Variants in LTA4H observed in about 807,000 individuals in gnomAD.
The protein encoded by LTA4H is leukotriene A4 hydrolase.
A neutral mutation model predicts 89.8 loss-of-function variants in LTA4H; 59 were observed. The observed-to-expected ratio is 0.66, with a 90% confidence interval of 0.53 to 0.82. LTA4H has a LOEUF of 0.82. Among genes scored for constraint, LTA4H ranks in the 40% least tolerant of loss-of-function variants. The pLI, the probability that LTA4H is intolerant of heterozygous loss-of-function variation, is 0.00. For missense variants in LTA4H, 617 were observed against 727.0 expected, an observed-to-expected ratio of 0.85 and a Z score of 1.74; for synonymous variants, 227 against 253.1, an observed-to-expected ratio of 0.90 and a Z score of 0.98.
At position 96,024,468 on chromosome 12, in the gene LTA4H, G is replaced by A. The variant is rs373939096; in HGVS notation, c.480+11C>T. The A allele has an allele frequency of 5.4e-5, 83 of 1,537,998 alleles. No individual in the cohort carries two copies. The highest frequency in any genetic ancestry group is 2.0e-4 in the East Asian group (9 of 44,264). On this transcript the variant is annotated intron_variant, in intron 4 of 18. Transcript: ENST00000228740. ...CATCATTTAATTGAGTTAATAATTC[G>A]TAATATTTACCTCTGCAGTATAGGT... is the stretch of plus-strand genomic sequence containing the variant.
Position 96,015,170 on chromosome 12 carries a change from A to G in LTA4H, c.1060-171T>C, listed in dbSNP as rs187642436. On this transcript the variant is annotated intron_variant, in intron 11 of 18. Coordinates refer to ENST00000228740, the MANE Select transcript of LTA4H (RefSeq NM_000895.3). ...CATAAACTTCTGGAAGTCTATTAAT[A>G]GAATGCTTACTTAAGTAATATTCTC... The G allele has an allele frequency of 2.7e-4, 148 of 542,322 alleles. No homozygotes were observed. In the East Asian group the frequency reaches 4.2e-3, roughly 15 times the overall value. The allele number at this position is 542,322 out of a possible 1,614,324, so 33.6% of individuals were successfully genotyped here. A position where few individuals can be genotyped will look rare whatever the true frequency, so the allele number is the denominator to read the frequency against.
intron 8 of LTA4H, among the ~76,000 whole-genome samples, chr12:96,017,940 G>A (rs1950401354): frequency 6.6e-6 from 1 of 152,048 alleles, no homozygotes; most frequent in Non-Finnish European, 1.5e-5. Flanking sequence ...ACTTTAGAGT[G>A]TCCTATGTGT....
chr12:96,000,994 C>T lies in LTA4H; in HGVS notation c.1831G>A (p.Asp611Asn), dbSNP rs747672626. 6.2e-7 allele frequency: 1 copy of T among 1,607,676 alleles called. No individual in the cohort carries two copies. The highest frequency in any genetic ancestry group is 8.5e-7 in the Non-Finnish European group (1 of 1,174,166). The change falls in exon 19 of 19, where the codon GAT (aspartate) becomes AAT (asparagine). Residue 611 changes from aspartate to asparagine, a missense_variant. This residue lies in a region of LTA4H where 290 missense variants were observed against 339.1 expected (regional missense o/e 0.86). Transcript: ENST00000228740. ...AATCATCAATACGCAGGTCTTTAATCCACTTTTAAGTCTTTCCCCACCAGC... is the reference window on the plus strand; with the variant it reads ...AATCATCAATACGCAGGTCTTTAATTCACTTTTAAGTCTTTCCCCACCAGC... ...AMLVGKDLKV[D>N]
chr12:96,006,383 G>C lies in LTA4H; in HGVS notation c.1461C>G (p.Phe487Leu), dbSNP rs760110329. 1 of 1,609,852 alleles carries C rather than the reference G, an allele frequency of 6.2e-7. No individual in the cohort carries two copies. The highest frequency in any genetic ancestry group is 1.1e-5 in the South Asian group (1 of 90,558). ...ITAKEDDLNS[F>L]NATDLKDLSS... is the part of the protein sequence containing the mutation. Reference sequence around the variant, plus strand: ...AGAGATCCTTCAGGTCTGTGGCATTGAATGAATTTAAATCATCTTCTTTGG... The same window carrying C: ...AGAGATCCTTCAGGTCTGTGGCATTCAATGAATTTAAATCATCTTCTTTGG... Residue 487 changes from phenylalanine to leucine, a missense_variant, in exon 16 of 19, where the codon TTC becomes TTG. By Grantham distance (22) the Phe-to-Leu change is conservative. Coordinates refer to ENST00000228740, the MANE Select transcript of LTA4H (RefSeq NM_000895.3).
In LTA4H at chr12:96,022,320, A is replaced by C. The variant is rs1950462825; in HGVS notation, c.481-69T>G. On this transcript the variant is annotated intron_variant, in intron 4 of 18. Coordinates refer to ENST00000228740, the MANE Select transcript of LTA4H (RefSeq NM_000895.3). This position sits in a 1 kb window ranked among gnomAD's most constrained non-coding sequence, Gnocchi z 4.0. ...CTATGTGTCTTAAACCATATATGTA[A>C]AATAACCTTTTCTTCCCATTCTTGA... is the stretch of plus-strand genomic sequence containing the variant. 3 of 1,008,912 alleles carry C rather than the reference A, an allele frequency of 3.0e-6. No individual in the cohort carries two copies. In the East Asian group the frequency reaches 7.3e-5, roughly 25 times the overall value. The allele number at this position is 1,008,912 out of a possible 1,614,324, so 62.5% of individuals were successfully genotyped here.
intron 2 of LTA4H, among the ~76,000 whole-genome samples, 181 bp downstream of exon 2, chr12:96,028,874 T>A (rs1256952903): frequency 3.9e-5 from 6 of 152,202 alleles, no homozygotes; most frequent in African/African-American, 1.4e-4. Flanking sequence ...TTTTAGTATC[T>A]TAAGTATATA....
At position 96,018,910 on chromosome 12, in the gene LTA4H, A is replaced by T; in HGVS notation, c.712-7T>A. ...TTTTAAGCATAGATTCAGTCTGAAA[A>T]ATCAACATATATATGTCTGTATGCC... is the stretch of plus-strand genomic sequence containing the variant. On this transcript the variant is annotated splice_region_variant and splice_polypyrimidine_tract_variant and intron_variant, in intron 7 of 18. Transcript: ENST00000228740. 2 of 1,572,568 alleles carry T rather than the reference A, an allele frequency of 1.3e-6. No individual in the cohort carries two copies. The highest frequency in any genetic ancestry group is 1.7e-6 in the Non-Finnish European group (2 of 1,163,842).
chr12:96,024,563 A>G lies in LTA4H; in HGVS notation c.412-16T>C. 1 of 1,551,386 alleles carries G rather than the reference A, an allele frequency of 6.4e-7. No individual in the cohort carries two copies. ...AGTGGATGGCCTGAAAAAGGGAGAA[A>G]CAAGAAGAAATAGCTATTTATCTTT... is the stretch of plus-strand genomic sequence containing the variant. On this transcript the variant is annotated splice_polypyrimidine_tract_variant and intron_variant, in intron 3 of 18. Transcript: ENST00000228740.
At chr12:96,037,062 C>A (rs980649172), upstream of LTA4H, among the ~76,000 whole-genome samples, 23 of 152,350 alleles carry the variant, frequency 1.5e-4, no homozygotes, top group African/African-American at 5.3e-4. Context: ...GGCCCTACCT[C>A]CAACACTGGA....
intron 14 of LTA4H, chr12:96,010,184 C>T (rs1047244317): frequency 1.3e-5 from 2 of 152,138 alleles, no homozygotes; most frequent in African/African-American, 4.8e-5. Flanking sequence ...TGGTCTGTTT[C>T]TTCGTGTCCT....
chr12:96,039,351 T>C (rs1420219908), upstream of LTA4H, among the ~76,000 whole-genome samples: 2 of 152,178 alleles, frequency 1.3e-5, no homozygotes, highest in Non-Finnish European at 2.9e-5. Flanking sequence ...TATAGAGCCA[T>C]ATGAACAGGA....
At position 96,018,899 on chromosome 12, in the gene LTA4H, TCA is replaced by T; in HGVS notation, c.714_715del (p.Glu239IlefsTer4). On this transcript the variant is annotated frameshift_variant and splice_region_variant, in exon 8 of 19. Transcript: ENST00000228740. LOFTEE classifies it high-confidence loss of function. ...ATCTTCTGCTATTTTAAGCATAGAT[TCA>T]GTCTGAAAAATCAACATATATATGT... is the stretch of plus-strand genomic sequence containing the variant. The T allele has an allele frequency of 2.5e-6, 4 of 1,578,894 alleles. No individual in the cohort carries two copies. The highest frequency in any genetic ancestry group is 3.4e-6 in the Non-Finnish European group (4 of 1,167,214).
chr12:96,041,176 T>C (rs1054115735), intron 1 of LTA4H, among the ~76,000 whole-genome samples: 8 of 152,144 alleles, frequency 5.3e-5, no homozygotes, highest in African/African-American at 1.7e-4. Flanking sequence ...TATTATAATA[T>C]TATATTTGTA....
At position 96,000,865 on chromosome 12, in the gene LTA4H, C is replaced by T; in HGVS notation, c.*124G>A. The T allele has an allele frequency of 1.6e-6, 1 of 638,704 alleles. No individual in the cohort carries two copies. The highest frequency in any genetic ancestry group is 2.7e-5 in the Admixed American group (1 of 37,204). 39.6% of individuals were successfully genotyped at this position (638,704 alleles called of 1,614,324 possible). A position where few individuals can be genotyped will look rare whatever the true frequency, so the allele number is the denominator to read the frequency against. On this transcript the variant is annotated 3_prime_UTR_variant, in exon 19 of 19. Coordinates refer to ENST00000228740, the MANE Select transcript of LTA4H (RefSeq NM_000895.3). Reference sequence around the variant, plus strand: ...TAGCTCAACTTTATTTCAGTAAAATCACCAACAAAACAATAAAAAGCCAAA... The same window carrying T: ...TAGCTCAACTTTATTTCAGTAAAATTACCAACAAAACAATAAAAAGCCAAA...
intron 1 of LTA4H, among the ~76,000 whole-genome samples, chr12:96,043,036 A>C (rs953318464): frequency 1.3e-5 from 2 of 151,984 alleles, no homozygotes; most frequent in African/African-American, 4.8e-5. Flanking sequence ...CCCCCAAAGC[A>C]CTCTGTCCTT....
At chr12:96,003,170 A>G (rs571386203) in intron 17 of LTA4H, 106 bp from the exon 18 acceptor site, 14 of 696,498 alleles carry the variant, frequency 2.0e-5, no homozygotes, top group African/African-American at 1.6e-4. Flanking sequence ...TAACCCCACT[A>G]TAGTTATACT....
chr12:96,013,610 A>G, intron 13 of LTA4H, 140 bp downstream of exon 13: 1 of 604,750 alleles, frequency 1.7e-6, no homozygotes. Flanking sequence ...ATCACATTTA[A>G]AATAGAAAAA....
At chr12:96,035,303 A>T in intron 1 of LTA4H, 58 bp downstream of exon 1, 1 of 1,540,238 alleles carries the variant, frequency 6.5e-7, no homozygotes, top group African/African-American at 1.4e-5. Flanking sequence ...CGCAAGGACT[A>T]GGGTCGAGGG....
intron 14 of LTA4H, chr12:96,012,390 G>T (rs760898551): frequency 6.6e-6 from 1 of 152,214 alleles, no homozygotes; most frequent in Non-Finnish European, 1.5e-5. Flanking sequence ...GTTCAGGTCC[G>T]ATTGAAGGAG....
Sources: gnomAD v4.1 joint callset for allele counts (sites outside exome capture counted in the v4.1 genomes callset) on GRCh38, gnomAD v4.1.1 for gene constraint, gnomAD v4.1.1 regional missense constraint, Gnocchi (gnomAD v3.1) non-coding constraint, MANE v1.5 for transcripts, NCBI Gene and HGNC (gene_info 2026-07-23, HGNC 2026-07-21) for gene names.